Variants in NEGR1 observed in about 807,000 individuals in gnomAD.
The protein encoded by NEGR1 is neuronal growth regulator 1.
In NEGR1, 10 loss-of-function variants were observed where a neutral mutation model predicts 40.9. That is an observed-to-expected ratio of 0.24 (90% CI 0.15 to 0.42). The LOEUF (loss-of-function observed/expected upper bound fraction) is 0.42. Among genes scored for constraint, NEGR1 ranks in the 10% least tolerant of loss-of-function variants. The probability of loss-of-function intolerance (pLI) is 1.00; values close to 1 mark genes in which losing one functional copy is unlikely to be tolerated. For synonymous variants in NEGR1, 185 were observed against 166.8 expected (o/e 1.11, Z -0.84); for missense variants, 352 against 438.9 (o/e 0.80, Z 1.77).
chr1:72,221,197 A>T (rs1025572457), intron 1 of NEGR1, among the ~76,000 whole-genome samples: 1 of 151,972 alleles, frequency 6.6e-6, no homozygotes, highest in African/African-American at 2.4e-5. Flanking sequence ...TCCTCTATGT[A>T]TCCTCTATAT....
intron 1 of NEGR1, among the ~76,000 whole-genome samples, chr1:72,197,090 T>C (rs1220662980): frequency 6.6e-6 from 1 of 151,902 alleles, no homozygotes; most frequent in Admixed American, 6.6e-5. Context: ...CACAGGAAAT[T>C]GAAGAATACA....
chr1:72,066,634 G>T (rs1201428685), intron 1 of NEGR1, among the ~76,000 whole-genome samples: 2 of 152,076 alleles, frequency 1.3e-5, no homozygotes, highest in East Asian at 3.9e-4. Context: ...AGAAACACCA[G>T]GAATGCACAT....
intron 1 of NEGR1, among the ~76,000 whole-genome samples, chr1:72,105,842 T>C (rs1649114527): frequency 6.6e-6 from 1 of 152,084 alleles, no homozygotes. Flanking sequence ...TTAACTAACT[T>C]AGTAAAGAAA....
At chr1:71,970,095 G>A (rs540111616) in intron 1 of NEGR1, among the ~76,000 whole-genome samples, 1 of 152,256 alleles carries the variant, frequency 6.6e-6, no homozygotes, top group African/African-American at 2.4e-5. Flanking sequence ...AGGGATATCA[G>A]AAGAAACAGC....
chr1:72,072,911 A>C (rs1647532522), intron 1 of NEGR1, among the ~76,000 whole-genome samples: 1 of 152,182 alleles, frequency 6.6e-6, no homozygotes, highest in African/African-American at 2.4e-5. Context: ...TGTGTCTTGT[A>C]CTACTTTATG....
intron 3 of NEGR1, among the ~76,000 whole-genome samples, chr1:71,723,180 T>C (rs1281643872): frequency 2.6e-5 from 4 of 152,154 alleles, no homozygotes; most frequent in African/African-American, 9.6e-5. Flanking sequence ...TTAATCTTTA[T>C]TGGGCTTAGA....
chr1:72,089,405 T>C (rs1365230599), intron 1 of NEGR1, among the ~76,000 whole-genome samples: 1 of 152,188 alleles, frequency 6.6e-6, no homozygotes, highest in Non-Finnish European at 1.5e-5. Flanking sequence ...TATAATAATT[T>C]TTAGCTAATA....
At chr1:71,653,992 G>A (rs1651797734) in intron 4 of NEGR1, among the ~76,000 whole-genome samples, 2 of 152,046 alleles carry the variant, frequency 1.3e-5, no homozygotes, top group Non-Finnish European at 2.9e-5. Context: ...ATATAAATAT[G>A]GCTGTGTATT....
intron 6 of NEGR1, among the ~76,000 whole-genome samples, chr1:71,409,343 A>G (rs1249559264): frequency 1.3e-5 from 2 of 152,084 alleles, no homozygotes; most frequent in Admixed American, 1.3e-4. Context: ...GTATAATGGT[A>G]AAGGACCAAA....
intron 2 of NEGR1, 37 bp from the exon 3 acceptor site, chr1:71,776,334 A>C: frequency 7.1e-7 from 1 of 1,402,126 alleles, no homozygotes; most frequent in Non-Finnish European, 9.7e-7. Flanking sequence ...AGAAAAAAAT[A>C]TATAAAGTTT....
intron 2 of NEGR1, among the ~76,000 whole-genome samples, chr1:71,881,109 A>G (rs1660571935): frequency 6.6e-6 from 1 of 152,038 alleles, no homozygotes; most frequent in Non-Finnish European, 1.5e-5. Context: ...AGTTGTGTTC[A>G]GTCAAAATCC....
intron 2 of NEGR1, among the ~76,000 whole-genome samples, chr1:71,852,258 A>G (rs1659628515): frequency 6.6e-6 from 1 of 152,146 alleles, no homozygotes; most frequent in Non-Finnish European, 1.5e-5. Context: ...GGCAACATAA[A>G]GTGGTCTAAC....
intron 1 of NEGR1, among the ~76,000 whole-genome samples, chr1:72,199,442 A>C (rs1012785518): frequency 6.6e-6 from 1 of 152,044 alleles, no homozygotes; most frequent in Non-Finnish European, 1.5e-5. Context: ...TAATAAGTGG[A>C]GAAATTGAGA....
chr1:71,587,733 C>G (rs1421021167), intron 6 of NEGR1, among the ~76,000 whole-genome samples: 3 of 151,888 alleles, frequency 2.0e-5, no homozygotes, highest in African/African-American at 7.3e-5. Context: ...ACCTATACTA[C>G]AGTAAAGGAT....
At chr1:71,982,012 T>C (rs1229509748) in intron 1 of NEGR1, among the ~76,000 whole-genome samples, 1 of 152,204 alleles carries the variant, frequency 6.6e-6, no homozygotes, top group African/African-American at 2.4e-5. Flanking sequence ...TTTTTTGTTT[T>C]TGTTTTTGCA....
intron 5 of NEGR1, among the ~76,000 whole-genome samples, chr1:71,610,250 T>G (rs1650210285): frequency 6.6e-6 from 1 of 152,232 alleles, no homozygotes; most frequent in Non-Finnish European, 1.5e-5. Flanking sequence ...CGGTTTAACC[T>G]AGCATTTGCT....
At chr1:71,608,041 T>A (rs1484986755) in intron 5 of NEGR1, among the ~76,000 whole-genome samples, 2 of 152,228 alleles carry the variant, frequency 1.3e-5, no homozygotes, top group African/African-American at 4.8e-5. Context: ...TTATGGTGAA[T>A]CTGCATAGTG....
intron 2 of NEGR1, among the ~76,000 whole-genome samples, chr1:71,881,571 T>C (rs145085920): frequency 1.8e-4 from 27 of 152,218 alleles, no homozygotes; most frequent in African/African-American, 5.8e-4. Context: ...GTAAACCATT[T>C]TAAATAAAGA....
At chr1:71,419,574 T>C (rs1367207123) in intron 6 of NEGR1, among the ~76,000 whole-genome samples, 3 of 152,156 alleles carry the variant, frequency 2.0e-5, no homozygotes, top group Non-Finnish European at 2.9e-5. Flanking sequence ...ATAGATTTTA[T>C]CCCAGGAATA....
Sources: allele counts gnomAD v4.1 joint callset (sites outside exome capture counted in the v4.1 genomes callset), GRCh38; gene constraint gnomAD v4.1.1; transcripts MANE v1.5; gene names NCBI Gene and HGNC (gene_info 2026-07-23, HGNC 2026-07-21).